Variants in NTPCR observed in about 807,000 individuals in gnomAD.
NTPCR encodes nucleoside-triphosphatase, cancer-related.
In NTPCR, 15 loss-of-function variants were observed where a neutral mutation model predicts 19.5. The ratio of observed to expected loss-of-function variants is 0.77; its 90% confidence interval spans 0.51 to 1.18. The LOEUF (loss-of-function observed/expected upper bound fraction) is 1.18. Among genes scored for constraint, NTPCR ranks in the 50% most tolerant of loss-of-function variants. NTPCR has a pLI of 0.00. For missense variants in NTPCR, 206 were observed against 240.4 expected (o/e 0.86, Z 0.95); for synonymous variants, 90 against 95.8 (o/e 0.94, Z 0.36).
At chr1:232,953,499 A>G (rs571278647) in intron 1 of NTPCR, among the ~76,000 whole-genome samples, 2 of 152,358 alleles carry the variant, frequency 1.3e-5, no homozygotes, top group Non-Finnish European at 2.9e-5. Context: ...CAGTCCCCAC[A>G]GTATACCCTT....
chr1:232,959,401 T>C (rs1668606347), intron 3 of NTPCR, among the ~76,000 whole-genome samples: 1 of 152,166 alleles, frequency 6.6e-6, no homozygotes, highest in Non-Finnish European at 1.5e-5. Context: ...GTTTATAAAT[T>C]ATCCAGTCTC....
At chr1:232,958,863 C>A (rs1384640455) in intron 3 of NTPCR, among the ~76,000 whole-genome samples, 1 of 152,174 alleles carries the variant, frequency 6.6e-6, no homozygotes, top group East Asian at 1.9e-4. Flanking sequence ...TTTTTACTTA[C>A]CCTGCTCAGA....
chr1:232,975,983 G>A (rs949803639), intron 4 of NTPCR, among the ~76,000 whole-genome samples: 31 of 152,188 alleles, frequency 2.0e-4, no homozygotes, highest in Admixed American at 9.2e-4. Flanking sequence ...GCATTTGGGA[G>A]TGTGCTTTTC....
chr1:232,952,657 T>C (rs1157942152), intron 1 of NTPCR, among the ~76,000 whole-genome samples: 1 of 151,228 alleles, frequency 6.6e-6, no homozygotes. Context: ...ACTACAGGCA[T>C]GCACCACCAT....
chr1:232,956,273 C>A, intron 2 of NTPCR, 74 bp from the exon 3 acceptor site: 1 of 984,196 alleles, frequency 1.0e-6, no homozygotes, highest in Middle Eastern at 2.1e-4. Context: ...ATGCCAGAGG[C>A]TCAGTGGAGC....
intron 3 of NTPCR, chr1:232,964,887 A>T (rs555285755): frequency 2.6e-4 from 40 of 152,320 alleles, no homozygotes; most frequent in African/African-American, 8.2e-4. Flanking sequence ...TAAGCAAGTG[A>T]AATTTTTTTT....
Position 232,976,410 on chromosome 1 carries a change from G to C in NTPCR, c.505-1753G>C, listed in dbSNP as rs551629720. ...GTGTATCACAGTCCACTCTCACAGA[G>C]CCTGGCTGGAGGCAGAAGCTACTGC... is the stretch of plus-strand genomic sequence containing the variant. On this transcript the variant is annotated intron_variant, in intron 4 of 4. Transcript: ENST00000366628. 1.2e-4 allele frequency: 192 copies of C among 1,550,618 alleles called. 1 individual carries two copies. Among genetic ancestry groups the C allele is most frequent in the Non-Finnish European group, 9.6e-5 (110 of 1,146,998 alleles).
intron 1 of NTPCR, among the ~76,000 whole-genome samples, chr1:232,953,396 T>A (rs1195694396): frequency 5.3e-5 from 8 of 152,164 alleles, no homozygotes; most frequent in Admixed American, 5.2e-4. Flanking sequence ...AAGAAAAAAT[T>A]AACTGAAAGA....
intron 2 of NTPCR, 30 bp from the exon 3 acceptor site, chr1:232,956,317 C>T: frequency 1.3e-6 from 2 of 1,545,214 alleles, no homozygotes; most frequent in Non-Finnish European, 1.8e-6. Context: ...AGGAGTTTTT[C>T]AACAAAGAAC....
rs997964002 is a variant in NTPCR at position 232,982,814 on chromosome 1, C to T, written c.*4583C>T. ...ACCCTCCGTGGGGAGGCCACACTCACAGCTCCAGGCCTGCCATTTAGCCCT... is the reference window on the plus strand; with the variant it reads ...ACCCTCCGTGGGGAGGCCACACTCATAGCTCCAGGCCTGCCATTTAGCCCT... On this transcript the variant is annotated 3_prime_UTR_variant, in exon 5 of 5. Transcript: ENST00000366628. 6.6e-6 allele frequency: 1 copy of T among 152,244 alleles called. No individual in the cohort carries two copies. The highest frequency in any genetic ancestry group is 1.5e-5 in the Non-Finnish European group (1 of 68,042). 9.4% of individuals were successfully genotyped at this position (152,244 alleles called of 1,614,324 possible). A position where few individuals can be genotyped will look rare whatever the true frequency, so the allele number is the denominator to read the frequency against.
rs1284317061 is a variant in NTPCR, at chr1:232,983,139, C to A, written c.*4908C>A. On this transcript the variant is annotated 3_prime_UTR_variant, in exon 5 of 5. Transcript: ENST00000366628. ...GCAAGAGATTCTCTACAATACCCTT[C>A]CCCCAACCCTCTCCTCAAATTTCCA... The A allele has an allele frequency of 6.6e-6, 1 of 151,988 alleles. No homozygotes were observed. Among genetic ancestry groups the A allele is most frequent in the Non-Finnish European group, 1.5e-5 (1 of 68,014 alleles). The allele number at this position is 151,988 out of a possible 1,614,324, so 9.4% of individuals were successfully genotyped here.
Position 232,955,542 on chromosome 1 carries a change from T to A in NTPCR, c.35-15T>A, listed in dbSNP as rs759300740. The A allele has an allele frequency of 6.0e-5, 89 of 1,490,990 alleles. No homozygotes were observed. Among genetic ancestry groups the A allele is most frequent in the African/African-American group, 7.2e-5 (5 of 69,674 alleles). The allele number at this position is 1,490,990 out of a possible 1,614,324, so 92.4% of individuals were successfully genotyped here. A position where few individuals can be genotyped will look rare whatever the true frequency, so the allele number is the denominator to read the frequency against. ...ATGGGCTTTTCTTCTTTTTTTTTTT[T>A]TTTTTTTATTTTAGGAGTTGGAAAA... On this transcript the variant is annotated splice_polypyrimidine_tract_variant and intron_variant, in intron 1 of 4. Transcript: ENST00000366628.
At chr1:232,965,032 A>G (rs1571960645) in intron 3 of NTPCR, 1 of 152,224 alleles carries the variant, frequency 6.6e-6, no homozygotes. Flanking sequence ...TGCCTACTGC[A>G]GTGGGCCATT....
intron 3 of NTPCR, chr1:232,966,507 T>A (rs1668820027): frequency 6.6e-6 from 1 of 152,228 alleles, no homozygotes; most frequent in Non-Finnish European, 1.5e-5. Flanking sequence ...TATATGTTCT[T>A]TGTATTTTTA....
At position 232,978,235 on chromosome 1, in the gene NTPCR, C is replaced by T; in HGVS notation, c.*4C>T. ...CGTGCAGAGCAGCAGGAAGTGAAGA[C>T]ACGTGCATTCCTGCCTTCCGTGAAG... is the stretch of plus-strand genomic sequence containing the variant. On this transcript the variant is annotated 3_prime_UTR_variant, in exon 5 of 5. Coordinates refer to ENST00000366628, the MANE Select transcript of NTPCR (RefSeq NM_032324.3). The T allele has an allele frequency of 6.2e-7, 1 of 1,613,414 alleles. No homozygotes were observed. The highest frequency in any genetic ancestry group is 8.5e-7 in the Non-Finnish European group (1 of 1,179,396).
intron 4 of NTPCR, among the ~76,000 whole-genome samples, chr1:232,974,106 A>G (rs540258969): frequency 6.6e-6 from 1 of 152,372 alleles, no homozygotes; most frequent in South Asian, 2.1e-4. Flanking sequence ...AAGACATACC[A>G]TAGTCAAACT....
At chr1:232,954,163 A>G (rs1668450230) in intron 1 of NTPCR, among the ~76,000 whole-genome samples, 1 of 152,226 alleles carries the variant, frequency 6.6e-6, no homozygotes. Flanking sequence ...ACTTTCCTAA[A>G]GCAGTTGTTA....
intron 1 of NTPCR, among the ~76,000 whole-genome samples, chr1:232,955,098 C>T (rs1027644147): frequency 3.3e-5 from 5 of 152,096 alleles, no homozygotes; most frequent in African/African-American, 9.7e-5. Context: ...AGTGATTTTC[C>T]CACTGTTAAG....
intron 3 of NTPCR, chr1:232,968,817 C>T (rs954169749): frequency 6.6e-6 from 1 of 152,220 alleles, no homozygotes; most frequent in Non-Finnish European, 1.5e-5. Flanking sequence ...ATCATGTATA[C>T]AAACATATAT....
Sources: allele counts gnomAD v4.1 joint callset (sites outside exome capture counted in the v4.1 genomes callset), GRCh38; gene constraint gnomAD v4.1.1; transcripts MANE v1.5; gene names NCBI Gene and HGNC (gene_info 2026-07-23, HGNC 2026-07-21).